The following DOK4 variants were observed in gnomAD, a reference collection of about 807,000 sequenced individuals.
The protein encoded by DOK4 is downstream of tyrosine kinase 4.
DOK4 carries 26 observed loss-of-function variants against 40.1 expected under a neutral mutation model. That is an observed-to-expected ratio of 0.65 (90% CI 0.48 to 0.90). The LOEUF (loss-of-function observed/expected upper bound fraction) is 0.90. Among genes scored for constraint, DOK4 ranks in the 40% least tolerant of loss-of-function variants. The pLI, the probability that DOK4 is intolerant of heterozygous loss-of-function variation, is 0.00. For missense variants in DOK4, 392 were observed against 437.2 expected, an observed-to-expected ratio of 0.90 and a Z score of 0.92; for synonymous variants, 179 against 177.0, an observed-to-expected ratio of 1.01 and a Z score of -0.09.
At chr16:57,474,011 T>A in exon 7 of DOK4, 1 of 1,614,056 alleles carries the variant, frequency 6.2e-7, no homozygotes, top group Non-Finnish European at 8.5e-7. Flanking sequence ...GTCTGGAAGG[T>A]ATAGAGTCCT....
intron 2 of DOK4, 78 bp from the exon 3 acceptor site, chr16:57,476,035 C>A: frequency 7.9e-7 from 1 of 1,272,940 alleles, no homozygotes; most frequent in South Asian, 1.3e-5. Flanking sequence ...GCCACCCCTG[C>A]CTGCCACAGG....
exon 3 of DOK4, chr16:57,475,901 C>G: frequency 6.2e-7 from 1 of 1,613,706 alleles, no homozygotes; most frequent in Non-Finnish European, 8.5e-7. Flanking sequence ...ACTTCTCCAG[C>G]CGCTGGGGCC....
intron 2 of DOK4, among the ~76,000 whole-genome samples, chr16:57,477,773 C>A (rs992165374): frequency 1.6e-4 from 24 of 152,224 alleles, no homozygotes; most frequent in Admixed American, 2.6e-4. Flanking sequence ...GCCCCTCCCC[C>A]CTCACCTCTG....
At chr16:57,475,914 T>C in exon 3 of DOK4, 1 of 1,613,562 alleles carries the variant, frequency 6.2e-7, no homozygotes, top group Non-Finnish European at 8.5e-7. Context: ...CTGGGGCCCC[T>C]TGCTGGAGGA....
rs562816383 is a variant in DOK4, at chr16:57,479,339, G to A, written c.66+103C>T. The A allele has an allele frequency of 3.2e-4, 415 of 1,311,516 alleles. 1 individual carries two copies. The South Asian group carries it at 3.2e-3, about 10-fold the overall frequency. 81.2% of individuals were successfully genotyped at this position (1,311,516 alleles called of 1,614,324 possible). On this transcript the variant is annotated intron_variant, in intron 2 of 8. Transcript: ENST00000340099. This position sits in a 1 kb window ranked among gnomAD's most constrained non-coding sequence, Gnocchi z 5.8. ...CACAGATGCACGATGCCCGGCAGCC[G>A]GAGGGCAGCCGCGTGCCCCACGCGC...
At position 57,473,605 on chromosome 16, in the gene DOK4, C is replaced by G. The variant is rs773409019; in HGVS notation, c.862+8G>C. On this transcript the variant is annotated splice_region_variant and intron_variant, in intron 8 of 8. Transcript: ENST00000340099. ...GGCAGGTGGGTGTGGGGCATGGAAG[C>G]GACTCACCAGCATAGCTGGAGGCTT... The G allele has an allele frequency of 6.2e-7, 1 of 1,614,238 alleles. No homozygotes were observed. Among genetic ancestry groups the G allele is most frequent in the East Asian group, 2.2e-5 (1 of 44,890 alleles).
exon 9 of DOK4, chr16:57,472,735 A>G (rs1277477142): frequency 6.6e-6 from 1 of 152,408 alleles, no homozygotes; most frequent in Non-Finnish European, 1.5e-5. Flanking sequence ...TTTTAAAACC[A>G]GATTTTCACC....
chr16:57,477,823 CCT>C (rs1362795010), intron 2 of DOK4, among the ~76,000 whole-genome samples: 1 of 152,192 alleles, frequency 6.6e-6, no homozygotes, highest in Non-Finnish European at 1.5e-5. Context: ...GGGACCACAG[CCT>C]CTCACACCAG....
At chr16:57,473,787 G>C in intron 7 of DOK4, 51 bp from the exon 8 acceptor site, 2 of 1,588,570 alleles carry the variant, frequency 1.3e-6, no homozygotes, top group Non-Finnish European at 1.7e-6. Flanking sequence ...CAGTATCCCT[G>C]AGCAGCCACC....
intron 4 of DOK4, 52 bp downstream of exon 4, chr16:57,475,453 CT>C (rs1184226236): frequency 6.5e-7 from 1 of 1,530,268 alleles, no homozygotes; most frequent in African/African-American, 1.4e-5. Flanking sequence ...AGCTGGACCT[CT>C]GACCAAGACC....
exon 1 of DOK4, chr16:57,486,469 C>A (rs1370021335): frequency 2.6e-5 from 4 of 152,058 alleles, no homozygotes; most frequent in African/African-American, 7.3e-5. Context: ...GATCGGGCTC[C>A]GGCTGGGGCT....
chr16:57,475,824 G>T (rs760640603), intron 3 of DOK4, 26 bp downstream of exon 3: 1 of 1,595,302 alleles, frequency 6.3e-7, no homozygotes, highest in African/African-American at 1.3e-5. Context: ...TGCCACTTGG[G>T]GGAGCTAGGG....
chr16:57,483,010 G>A (rs982062688), intron 1 of DOK4, among the ~76,000 whole-genome samples: 4 of 152,162 alleles, frequency 2.6e-5, no homozygotes, highest in African/African-American at 4.8e-5. Flanking sequence ...AGCGGGAAGA[G>A]TGACCTTCAC....
At chr16:57,477,953 G>T (rs564489656) in intron 2 of DOK4, among the ~76,000 whole-genome samples, 2 of 152,342 alleles carry the variant, frequency 1.3e-5, no homozygotes, top group East Asian at 1.9e-4. Context: ...TCTCCCTCTG[G>T]AACAGGTTTG....
intron 1 of DOK4, chr16:57,484,196 A>C (rs1349249298): frequency 6.6e-6 from 1 of 152,654 alleles, no homozygotes; most frequent in Non-Finnish European, 1.5e-5. Flanking sequence ...TGACTGAGCG[A>C]GCGGCTGCCT....
Position 57,479,448 on chromosome 16 carries a change from C to T in DOK4, c.60G>A (p.Lys20=). The change falls in exon 2 of 9, where the codon AAG becomes AAA. Residue 20 remains lysine (K), a synonymous_variant. Transcript: ENST00000340099. The surrounding 1 kb of genome is among the most constrained non-coding windows in gnomAD (Gnocchi z 5.8). ...GCAGCTCAGGGTCACTCACCCCGAG[C>T]TTCCTGCTCTTCATCTTCACGTAGC... 1 of 1,613,706 alleles carries T rather than the reference C, an allele frequency of 6.2e-7. No individual in the cohort carries two copies.
exon 1 of DOK4, chr16:57,486,436 G>C (rs2146678200): frequency 6.6e-6 from 1 of 152,260 alleles, no homozygotes; most frequent in Non-Finnish European, 1.5e-5. Flanking sequence ...GGACGGCGAG[G>C]GAGGCGCGGC....
At chr16:57,482,943 G>C (rs1474048565) in intron 1 of DOK4, among the ~76,000 whole-genome samples, 1 of 152,168 alleles carries the variant, frequency 6.6e-6, no homozygotes, top group Non-Finnish European at 1.5e-5. Flanking sequence ...AAGCTCGCAG[G>C]AGTGCTCCTG....
chr16:57,473,593 G>A lies in DOK4; in HGVS notation c.862+20C>T, dbSNP rs762390356. 10 of 1,614,254 alleles carry A rather than the reference G, an allele frequency of 6.2e-6. No individual in the cohort carries two copies. The highest frequency in any genetic ancestry group is 8.5e-6 in the Non-Finnish European group (10 of 1,180,040). On this transcript the variant is annotated intron_variant, in intron 8 of 8. Transcript: ENST00000340099. ...ACAAAGCCTCCTGGCAGGTGGGTGT[G>A]GGGCATGGAAGCGACTCACCAGCAT...
Sources: gnomAD v4.1 joint callset for allele counts (sites outside exome capture counted in the v4.1 genomes callset) on GRCh38, gnomAD v4.1.1 for gene constraint, Gnocchi (gnomAD v3.1) non-coding constraint, MANE v1.5 for transcripts, NCBI Gene and HGNC (gene_info 2026-07-23, HGNC 2026-07-21) for gene names.